The following MYO9B variants were observed in gnomAD, a reference collection of about 807,000 sequenced individuals.
The protein encoded by MYO9B is myosin IXB.
In MYO9B, 71 loss-of-function variants were observed where a neutral mutation model predicts 229.5. The ratio of observed to expected loss-of-function variants is 0.31; its 90% CI spans 0.26 to 0.38. The LOEUF (loss-of-function observed/expected upper bound fraction) is 0.38, where lower values mean the gene tolerates loss of function less well. Among genes scored for constraint, MYO9B ranks in the 10% least tolerant of loss-of-function variants. The pLI is 1.00. For missense variants in MYO9B, 2,255 were observed against 2,920.5 expected, an observed-to-expected ratio of 0.77 and a Z score of 5.25; for synonymous variants, 1,185 against 1,235.8, an observed-to-expected ratio of 0.96 and a Z score of 0.86.
intron 23 of MYO9B, 156 bp from the exon 24 acceptor site, chr19:17,198,028 C>A: frequency 1.5e-6 from 2 of 1,350,730 alleles, no homozygotes; most frequent in Non-Finnish European, 1.0e-6. Context: ...GGCCACTGCA[C>A]TCCAGCCTGG....
intron 2 of MYO9B, among the ~76,000 whole-genome samples, chr19:17,118,083 G>A (rs1397678439): frequency 1.3e-5 from 2 of 152,070 alleles, no homozygotes; most frequent in Non-Finnish European, 2.9e-5. Flanking sequence ...AGCTGGGGAG[G>A]GAGAGATGCT....
At chr19:17,145,583 G>A (rs1239897334) in intron 3 of MYO9B, 92 bp downstream of exon 3, 3 of 1,121,286 alleles carry the variant, frequency 2.7e-6, no homozygotes, top group Middle Eastern at 2.0e-4. Flanking sequence ...TGGAGATCAT[G>A]GCTGTGTGGA....
At chr19:17,077,738 C>G (rs2057499686) in intron 1 of MYO9B, among the ~76,000 whole-genome samples, 1 of 152,220 alleles carries the variant, frequency 6.6e-6, no homozygotes, top group South Asian at 2.1e-4. Flanking sequence ...AGCTCCCGGC[C>G]TTGAACTCCT....
At chr19:17,113,202 G>C (rs2057865442) in intron 2 of MYO9B, among the ~76,000 whole-genome samples, 1 of 152,190 alleles carries the variant, frequency 6.6e-6, no homozygotes, top group Admixed American at 6.5e-5. Context: ...CACTTTGCTG[G>C]GCTGAGGGAG....
At chr19:17,104,176 C>G (rs2057772146) in intron 2 of MYO9B, among the ~76,000 whole-genome samples, 1 of 152,076 alleles carries the variant, frequency 6.6e-6, no homozygotes, top group Non-Finnish European at 1.5e-5. Context: ...GAGTGCTTCA[C>G]AACGGGACAT....
At chr19:17,170,985 G>A (rs1293479396) in intron 11 of MYO9B, among the ~76,000 whole-genome samples, 1 of 151,024 alleles carries the variant, frequency 6.6e-6, no homozygotes, top group Non-Finnish European at 1.5e-5. Context: ...TGCTCATCAT[G>A]GAATTTTTTT....
chr19:17,116,854 C>G (rs1431890325), intron 2 of MYO9B, among the ~76,000 whole-genome samples: 1 of 152,164 alleles, frequency 6.6e-6, no homozygotes, highest in African/African-American at 2.4e-5. Context: ...CACCGCCACC[C>G]CCAAATCCCC....
In MYO9B at chr19:17,172,634, A is replaced by G; in HGVS notation, c.1936-125A>G. 4 of 1,467,200 alleles carry G rather than the reference A, an allele frequency of 2.7e-6. 1 individual carries two copies. In the South Asian group the frequency reaches 4.9e-5, roughly 18 times the overall value. 90.9% of individuals were successfully genotyped at this position (1,467,200 alleles called of 1,614,324 possible). A position where few individuals can be genotyped will look rare whatever the true frequency, so the allele number is the denominator to read the frequency against. The stretch of plus-strand genomic sequence containing the variant: ...ATGTCCAAGGCGCCATAGTTCAAGA[A>G]CTGCCATTTGCACTTAGGATGGGCC... On this transcript the variant is annotated intron_variant, in intron 12 of 39. Coordinates refer to ENST00000682292, the MANE Select transcript of MYO9B (RefSeq NM_004145.4). This position sits in a 1 kb window ranked among gnomAD's most constrained non-coding sequence, Gnocchi z 8.2.
intron 1 of MYO9B, among the ~76,000 whole-genome samples, chr19:17,078,400 C>T (rs952663140): frequency 6.6e-6 from 1 of 152,070 alleles, no homozygotes; most frequent in Non-Finnish European, 1.5e-5. Context: ...ATTAGCCCGG[C>T]GTGGTGATGT....
At chr19:17,130,647 G>A (rs2072184062) in intron 2 of MYO9B, among the ~76,000 whole-genome samples, 1 of 151,432 alleles carries the variant, frequency 6.6e-6, no homozygotes, top group Non-Finnish European at 1.5e-5. Flanking sequence ...AACCAGGCAT[G>A]GTGGTGCACA....
intron 18 of MYO9B, among the ~76,000 whole-genome samples, chr19:17,186,747 T>C (rs1020381266): frequency 3.3e-5 from 5 of 152,130 alleles, no homozygotes; most frequent in African/African-American, 1.2e-4. Flanking sequence ...TTGTTTGTTT[T>C]TGAGACAGAA....
rs375814398 is a variant in MYO9B, at chr19:17,212,286, C to T, written c.6450C>T (p.Pro2150=). Residue 2150 remains proline, a synonymous_variant, in exon 40 of 40, where the codon CCC becomes CCT. Transcript: ENST00000682292. This position sits in a 1 kb window ranked among gnomAD's most constrained non-coding sequence, Gnocchi z 5.4. ...YSDPPTYCLP[P]ASGQTNG ...ATCCCCCAACGTACTGCCTGCCCCC[C>T]GCCTCGGGCCAGACCAATGGCTGAG... 3.3e-5 allele frequency: 51 copies of T among 1,531,252 alleles called. No individual in the cohort carries two copies. The highest frequency in any genetic ancestry group is 2.2e-4 in the African/African-American group (16 of 72,622). The allele number at this position is 1,531,252 out of a possible 1,614,324, so 94.9% of individuals were successfully genotyped here.
chr19:17,077,299 C>T (rs1468817941), intron 1 of MYO9B, among the ~76,000 whole-genome samples: 1 of 152,190 alleles, frequency 6.6e-6, no homozygotes, highest in Non-Finnish European at 1.5e-5. Context: ...GTTTATAGCT[C>T]ATTCAGGAGA....
chr19:17,197,702 T>C, intron 22 of MYO9B, 90 bp from the exon 23 acceptor site: 1 of 1,477,970 alleles, frequency 6.8e-7, no homozygotes, highest in South Asian at 1.1e-5. Flanking sequence ...GGGGCAGAAC[T>C]GCCCAAGTGA....
intron 3 of MYO9B, among the ~76,000 whole-genome samples, chr19:17,147,389 C>CA (rs1303070247): frequency 2.0e-5 from 3 of 151,862 alleles, no homozygotes; most frequent in Admixed American, 6.6e-5. Flanking sequence ...ACTAAAAATA[C>CA]AAAAATTAGC....
At chr19:17,179,983 C>T (rs1390775458) in intron 14 of MYO9B, among the ~76,000 whole-genome samples, 1 of 151,526 alleles carries the variant, frequency 6.6e-6, no homozygotes, top group African/African-American at 2.4e-5. Context: ...ACCTGTAATC[C>T]CAGCACTTTG....
intron 1 of MYO9B, among the ~76,000 whole-genome samples, chr19:17,088,975 G>C (rs1016967916): frequency 6.6e-6 from 1 of 152,092 alleles, no homozygotes; most frequent in East Asian, 1.9e-4. Flanking sequence ...ACCACGCCTG[G>C]CCATATCCCC....
At chr19:17,084,764 G>T (rs2057566987) in intron 1 of MYO9B, among the ~76,000 whole-genome samples, 1 of 151,792 alleles carries the variant, frequency 6.6e-6, no homozygotes, top group South Asian at 2.1e-4. Context: ...AATTAGCCAG[G>T]TATGGTGTGG....
intron 11 of MYO9B, among the ~76,000 whole-genome samples, chr19:17,171,455 C>T (rs991388780): frequency 2.0e-5 from 3 of 152,142 alleles, no homozygotes; most frequent in African/African-American, 7.2e-5. Context: ...ACAAATGGCT[C>T]CAAGACCAGA....
Sources: allele counts gnomAD v4.1 joint callset (sites outside exome capture counted in the v4.1 genomes callset), GRCh38; gene constraint gnomAD v4.1.1; non-coding constraint Gnocchi (gnomAD v3.1); transcripts MANE v1.5; gene names NCBI Gene and HGNC (gene_info 2026-07-23, HGNC 2026-07-21).